The following CHAC2 variants were observed in gnomAD, a reference collection of about 807,000 sequenced individuals.
CHAC2 encodes ChaC glutathione specific gamma-glutamylcyclotransferase 2.
In CHAC2, 20 loss-of-function variants were observed where a neutral mutation model predicts 16.9. The observed-to-expected ratio is 1.18, with a 90% CI of 0.83 to 1.72. CHAC2 has a LOEUF of 1.72. Among genes scored for constraint, CHAC2 ranks in the 40% most tolerant of loss-of-function variants. The pLI, the probability that CHAC2 is intolerant of heterozygous loss-of-function variation, is 0.00. For synonymous variants in CHAC2, 91 were observed against 77.3 expected (o/e 1.18, Z -0.93); for missense variants, 269 against 222.2 (o/e 1.21, Z -1.34).
At position 53,774,444 on chromosome 2, in the gene CHAC2, A is replaced by G. The variant is rs760915645; in HGVS notation, c.474A>G (p.Glu158=). 8 of 1,609,148 alleles carry G rather than the reference A, an allele frequency of 5.0e-6. No homozygotes were observed. Among genetic ancestry groups the G allele is most frequent in the Middle Eastern group, 3.3e-4 (2 of 6,058 alleles). ...ATTCTATTAGGAACCTTGTGCCAGA[A>G]GAAGCAGATGAGCATCTTTTCGCTT... ...LANSIRNLVP[E]EADEHLFALE... The change falls in exon 3 of 3, where the codon GAA becomes GAG. Residue 158 remains glutamate, a synonymous_variant. Transcript: ENST00000295304.
chr2:53,767,871 G>A lies in CHAC2; in HGVS notation c.-16G>A, dbSNP rs1181232903. 5 of 1,598,626 alleles carry A rather than the reference G, an allele frequency of 3.1e-6. No individual in the cohort carries two copies. Among genetic ancestry groups the A allele is most frequent in the Non-Finnish European group, 4.3e-6 (5 of 1,172,750 alleles). On this transcript the variant is annotated 5_prime_UTR_variant, in exon 1 of 3. Coordinates refer to ENST00000295304, the MANE Select transcript of CHAC2 (RefSeq NM_001008708.4). ...GCTAGGGTTCACGGCCACTGGGGCA[G>A]AGGAGCCGCGAGAAGATGTGGGTTT...
At chr2:53,771,981 T>C (rs1299486621) in intron 2 of CHAC2, 39 bp downstream of exon 2, 2 of 1,138,764 alleles carry the variant, frequency 1.8e-6, no homozygotes, top group South Asian at 1.6e-5. Context: ...ATTTTAATTT[T>C]ATAAAATGTT....
chr2:53,768,522 A>G (rs897589411), intron 1 of CHAC2, among the ~76,000 whole-genome samples: 3 of 152,180 alleles, frequency 2.0e-5, no homozygotes, highest in South Asian at 4.1e-4. Context: ...ACATCTTTCA[A>G]AAGTTTTATT....
At chr2:53,768,583 T>C (rs1019626126) in intron 1 of CHAC2, among the ~76,000 whole-genome samples, 3 of 152,348 alleles carry the variant, frequency 2.0e-5, no homozygotes, top group Non-Finnish European at 2.9e-5. Flanking sequence ...CGCTGGTTAT[T>C]AAGGAACTCA....
In CHAC2 at chr2:53,767,811, T is replaced by C. The variant is rs1219402036; in HGVS notation, c.-76T>C. The C allele has an allele frequency of 6.5e-6, 10 of 1,528,472 alleles. No individual in the cohort carries two copies. Among genetic ancestry groups the C allele is most frequent in the African/African-American group, 1.4e-5 (1 of 72,700 alleles). The allele number at this position is 1,528,472 out of a possible 1,614,324, so 94.7% of individuals were successfully genotyped here. ...CGCCCCGCGCGGCCGGTTACTCGCT[T>C]ACCGGAGGCTTCAGTCCCCGGCGGC... On this transcript the variant is annotated 5_prime_UTR_variant, in exon 1 of 3. Transcript: ENST00000295304.
At chr2:53,772,572 G>A (rs1446651374) in intron 2 of CHAC2, among the ~76,000 whole-genome samples, 2 of 151,926 alleles carry the variant, frequency 1.3e-5, no homozygotes, top group African/African-American at 4.8e-5. Flanking sequence ...CTACCACCGA[G>A]AATTAAATGG....
In CHAC2 at chr2:53,769,715, G is replaced by A. The variant is rs557866037; in HGVS notation, c.135+1694G>A. ...TACAAAATTAGCTGGGCGTGGTGGC[G>A]CACGCCAGTAGAGTCCCAGCTACTC... is the stretch of plus-strand genomic sequence containing the variant. On this transcript the variant is annotated intron_variant, in intron 1 of 2. Coordinates refer to ENST00000295304, the MANE Select transcript of CHAC2 (RefSeq NM_001008708.4). 8.5e-5 allele frequency among the ~76,000 whole-genome samples: 13 copies of A among 152,310 alleles called. No individual in the cohort carries two copies. The South Asian group carries it at 1.0e-3, about 12-fold the overall frequency.
upstream of CHAC2, chr2:53,767,791 C>T: frequency 2.0e-6 from 3 of 1,483,630 alleles, no homozygotes; most frequent in Non-Finnish European, 1.8e-6. Flanking sequence ...GCCTGCGCCC[C>T]GCGCGGCCGG....
chr2:53,769,416 G>T (rs963580051), intron 1 of CHAC2, among the ~76,000 whole-genome samples: 4 of 152,176 alleles, frequency 2.6e-5, no homozygotes, highest in African/African-American at 4.8e-5. Context: ...TATGTATGTG[G>T]CTATAACAAC....
In CHAC2 at chr2:53,773,130, G is replaced by A. The variant is rs188247215; in HGVS notation, c.172-1012G>A. ...GCTTTCATAATTGATACTACGAAAAGCATTTATAAAAAAGATCTTCAAATT... is the reference window on the plus strand; with the variant it reads ...GCTTTCATAATTGATACTACGAAAAACATTTATAAAAAAGATCTTCAAATT... On this transcript the variant is annotated intron_variant, in intron 2 of 2. Coordinates refer to ENST00000295304, the MANE Select transcript of CHAC2 (RefSeq NM_001008708.4). Among the ~76,000 whole-genome samples, 503 of 152,138 alleles carry A rather than the reference G, an allele frequency of 3.3e-3. 4 individuals are homozygous for A. The highest frequency in any genetic ancestry group is 0.012 in the African/African-American group (483 of 41,514).
At position 53,775,193 on chromosome 2, in the gene CHAC2, C is replaced by G. The variant is rs1010642088; in HGVS notation, c.*668C>G. 1 of 152,554 alleles carries G rather than the reference C, an allele frequency of 6.6e-6. No individual in the cohort carries two copies. The highest frequency in any genetic ancestry group is 2.4e-5 in the African/African-American group (1 of 41,424). 9.5% of individuals were successfully genotyped at this position (152,554 alleles called of 1,614,324 possible). Reference sequence around the variant, plus strand: ...AATTACATTATACAAATCATGATCACTAATGATGTAGTCTGTCATTCACTT... The same window carrying G: ...AATTACATTATACAAATCATGATCAGTAATGATGTAGTCTGTCATTCACTT... On this transcript the variant is annotated 3_prime_UTR_variant, in exon 3 of 3. Coordinates refer to ENST00000295304, the MANE Select transcript of CHAC2 (RefSeq NM_001008708.4).
chr2:53,774,193 G>C lies in CHAC2; in HGVS notation c.223G>C (p.Val75Leu). ...YRLPVGKEEE[V>L]KAYLDFREKG... ...ATTGCCAGTAGGAAAGGAAGAAGAA[G>C]TAAAAGCATACCTTGACTTCAGAGA... The change falls in exon 3 of 3, where the codon GTA becomes CTA. Residue 75 changes from valine (V) to leucine (L), a missense_variant. Transcript: ENST00000295304. 6.2e-7 allele frequency: 1 copy of C among 1,613,434 alleles called. No individual in the cohort carries two copies. Among genetic ancestry groups the C allele is most frequent in the East Asian group, 2.2e-5 (1 of 44,846 alleles).
intron 2 of CHAC2, among the ~76,000 whole-genome samples, chr2:53,773,048 TAAAC>T (rs1045036339): frequency 2.6e-5 from 4 of 152,164 alleles, no homozygotes; most frequent in Non-Finnish European, 5.9e-5. Flanking sequence ...AGGACTTTAA[TAAAC>T]AAAAATCAAG....
At chr2:53,768,422 T>C (rs565626324) in intron 1 of CHAC2, among the ~76,000 whole-genome samples, 24 of 152,356 alleles carry the variant, frequency 1.6e-4, no homozygotes, top group African/African-American at 5.8e-4. Flanking sequence ...AATTCAGCTT[T>C]TTAGCAATTA....
intron 2 of CHAC2, among the ~76,000 whole-genome samples, chr2:53,772,552 G>GTTTTTGATGAT: frequency 7.0e-6 from 1 of 143,172 alleles, no homozygotes; most frequent in East Asian, 2.1e-4. Context: ...ACCTGCCCCC[G>GTTTTTGATGAT]ACAGCCAGAC....
At chr2:53,771,046 A>C (rs866037263) in intron 1 of CHAC2, among the ~76,000 whole-genome samples, 6 of 152,170 alleles carry the variant, frequency 3.9e-5, no homozygotes, top group Admixed American at 6.5e-5. Context: ...ATCAGCAGGA[A>C]AGTTGTTACA....
At chr2:53,772,069 AT>A (rs1673959162) in intron 2 of CHAC2, 127 bp downstream of exon 2, 1 of 607,008 alleles carries the variant, frequency 1.6e-6, no homozygotes, top group African/African-American at 1.9e-5. Flanking sequence ...TCTTCTCTGT[AT>A]TTGTGGGTTT....
intron 2 of CHAC2, among the ~76,000 whole-genome samples, chr2:53,772,702 GTGTTTT>G (rs60966610): frequency 0.089 from 13,565 of 152,114 alleles, 649 homozygotes; most frequent in East Asian, 0.18. Flanking sequence ...GTTGTGTTTT[GTGTTTT>G]TGTTTTTAAG....
chr2:53,774,144 A>C lies in CHAC2; in HGVS notation c.174A>C (p.Gly58=), dbSNP rs1384292836. The change falls in exon 3 of 3, where the codon GGA becomes GGC. Residue 58 remains glycine (G), a splice_region_variant and synonymous_variant. Coordinates refer to ENST00000295304, the MANE Select transcript of CHAC2 (RefSeq NM_001008708.4). ...RVVTLVEDPA[G]CVWGVAYRLP... Reference sequence around the variant, plus strand: ...GTATTCTTTTCATTTTTCAACAGGGATGTGTATGGGGTGTTGCTTACAGAT... The same window carrying C: ...GTATTCTTTTCATTTTTCAACAGGGCTGTGTATGGGGTGTTGCTTACAGAT... 3.1e-6 allele frequency: 5 copies of C among 1,589,588 alleles called. No individual in the cohort carries two copies. The highest frequency in any genetic ancestry group is 4.3e-6 in the Non-Finnish European group (5 of 1,172,168).
Sources: allele counts gnomAD v4.1 joint callset (sites outside exome capture counted in the v4.1 genomes callset), GRCh38; gene constraint gnomAD v4.1.1; transcripts MANE v1.5; gene names NCBI Gene and HGNC (gene_info 2026-07-23, HGNC 2026-07-21).